TRPM5: variants seen among roughly 807,000 people sequenced by gnomAD.
TRPM5 encodes MLSN1 and TRP-related.
In TRPM5, 121 loss-of-function variants were observed where a neutral mutation model predicts 124.9. That is an observed-to-expected ratio of 0.97 (90% CI 0.84 to 1.13). The LOEUF (loss-of-function observed/expected upper bound fraction) is 1.13, where lower values mean the gene tolerates loss of function less well. Ranked by LOEUF, TRPM5 falls within the 50% of genes most tolerant of loss-of-function variation. The pLI is 0.00. For synonymous variants in TRPM5, 781 were observed against 700.5 expected, an observed-to-expected ratio of 1.11 and a Z score of -1.81; for missense variants, 1,643 against 1,589.1, an observed-to-expected ratio of 1.03 and a Z score of -0.58.
chr11:2,430,752 G>GTGA, the TRPM5 span, among the ~76,000 whole-genome samples: 11 of 131,314 alleles, frequency 8.4e-5, no homozygotes, highest in East Asian at 4.8e-4. Flanking sequence ...GGTGTTGGTG[G>GTGA]TGGTGGTTTT....
rs1850321235 is a variant in TRPM5, at chr11:2,406,245, G to A, written c.3252-154C>T. 3 of 785,020 alleles carry A rather than the reference G, an allele frequency of 3.8e-6. No individual in the cohort carries two copies. In the East Asian group the frequency reaches 7.9e-5, roughly 21 times the overall value. 48.6% of individuals were successfully genotyped at this position (785,020 alleles called of 1,614,324 possible). A position where few individuals can be genotyped will look rare whatever the true frequency, so the allele number is the denominator to read the frequency against. ...TCATGCCCAGATCTGGTGGCACCAG[G>A]ACCCCTCAAAGTGCACCTGGTGCAG... On this transcript the variant is annotated intron_variant, in intron 21 of 23. Transcript: ENST00000155858.
intron 18 of TRPM5, among the ~76,000 whole-genome samples, chr11:2,410,350 G>T (rs1404160796): frequency 6.6e-6 from 1 of 152,218 alleles, no homozygotes; most frequent in Non-Finnish European, 1.5e-5. Context: ...CTCCACAGAG[G>T]TCGGGGTCAG....
chr11:2,422,383 T>TGG, intron 1 of TRPM5, 62 bp from the exon 7 acceptor site: 6 of 644,086 alleles, frequency 9.3e-6, no homozygotes, highest in African/African-American at 4.9e-5. Context: ...TGCTGGGCAT[T>TGG]GGGGGGGGCT....
At chr11:2,420,357 G>A in exon 4 of TRPM5, 1 of 1,612,776 alleles carries the variant, frequency 6.2e-7, no homozygotes, top group Non-Finnish European at 8.5e-7. Context: ...GAACAGAGGG[G>A]GCCCTGGCTG....
Position 2,420,103 on chromosome 11 carries a change from C to T in TRPM5, c.649+119G>A, listed in dbSNP as rs565642563. On this transcript the variant is annotated intron_variant, in intron 4 of 23. Coordinates refer to ENST00000155858, the Ensembl canonical transcript of TRPM5. ...TCTCGGTGCTCAGGCATGCGGGGTG[C>T]GTTCTGCCTGGGAAGCCCTCCCCCT... The T allele has an allele frequency of 2.0e-5, 24 of 1,189,276 alleles. No homozygotes were observed. In the South Asian group the frequency reaches 2.8e-4, roughly 14 times the overall value. 73.7% of individuals were successfully genotyped at this position (1,189,276 alleles called of 1,614,324 possible). A position where few individuals can be genotyped will look rare whatever the true frequency, so the allele number is the denominator to read the frequency against.
At chr11:2,425,693 G>C (rs935024227), upstream of TRPM5, among the ~76,000 whole-genome samples, 1 of 148,396 alleles carries the variant, frequency 6.7e-6, no homozygotes, top group Non-Finnish European at 1.5e-5. Context: ...GCCACACCTG[G>C]TCACCCGCTG....
chr11:2,420,180 C>G (rs1209520264), intron 4 of TRPM5, 42 bp downstream of exon 9: 1 of 1,546,298 alleles, frequency 6.5e-7, no homozygotes, highest in South Asian at 1.3e-5. Context: ...TGGATCCCCA[C>G]TGGGTCCCAA....
At chr11:2,420,057 C>T (rs1589874598) in intron 4 of TRPM5, among the ~76,000 whole-genome samples, 165 bp downstream of exon 9, 1 of 47,578 alleles carries the variant, frequency 2.1e-5, no homozygotes, top group Non-Finnish European at 3.8e-5. Flanking sequence ...GCCCCCACGG[C>T]CCAGGCCCCC....
the TRPM5 span, among the ~76,000 whole-genome samples, chr11:2,440,686 C>T: frequency 6.6e-6 from 1 of 152,200 alleles, no homozygotes; most frequent in African/African-American, 2.4e-5. This position sits in a 1 kb window ranked among gnomAD's most constrained non-coding sequence, Gnocchi z 5.2. Flanking sequence ...GGTGAGACAG[C>T]TCTGTAACCT....
In TRPM5 at chr11:2,407,117, ACCCAGGTGCTCCCGCTTG is replaced by A. The variant is rs756566382; in HGVS notation, c.3102_3118+1del. 3.0e-5 allele frequency: 41 copies of A among 1,361,682 alleles called. No individual in the cohort carries two copies. The South Asian group carries it at 3.9e-4, about 13-fold the overall frequency. The allele number at this position is 1,361,682 out of a possible 1,614,324, so 84.3% of individuals were successfully genotyped here. On this transcript the variant is annotated splice_donor_variant and coding_sequence_variant, in exon 20 of 24. Transcript: ENST00000155858. LOFTEE classifies it high-confidence loss of function. The stretch of plus-strand genomic sequence containing the variant: ...GGTGCTCCCGCTTGTGCTCGGCCTC[ACCCAGGTGCTCCCGCTTG>A]TGCTCAGCCTCCTTCTTGAAGACCC...
At chr11:2,404,840 C>T in exon 24 of TRPM5, 1 of 1,038,298 alleles carries the variant, frequency 9.6e-7, no homozygotes, top group East Asian at 2.5e-5. Flanking sequence ...GCTGGTGCCC[C>T]CTGGGGGGTT....
At chr11:2,437,082 T>C in the TRPM5 span, among the ~76,000 whole-genome samples, 1 of 152,230 alleles carries the variant, frequency 6.6e-6, no homozygotes, top group African/African-American at 2.4e-5. The surrounding 1 kb of genome is among the most constrained non-coding windows in gnomAD (Gnocchi z 5.6). Flanking sequence ...CCCAGCCTGC[T>C]GGATCCTGCT....
At chr11:2,435,581 GTCCATCCA>G in the TRPM5 span, among the ~76,000 whole-genome samples, 580 of 150,106 alleles carry the variant, frequency 3.9e-3, 6 homozygotes, top group South Asian at 0.017. This position sits in a 1 kb window ranked among gnomAD's most constrained non-coding sequence, Gnocchi z 4.1. Context: ...CCATCTGTCT[GTCCATCCA>G]TCCATCCATC....
chr11:2,409,598 T>C (rs1233143976), intron 18 of TRPM5, among the ~76,000 whole-genome samples: 1 of 152,136 alleles, frequency 6.6e-6, no homozygotes. Flanking sequence ...TGAGCCTCAG[T>C]CTCCCTCTCA....
At position 2,417,707 on chromosome 11, in the gene TRPM5, C is replaced by T. The variant is rs781095538; in HGVS notation, c.1009+20G>A. On this transcript the variant is annotated intron_variant, in intron 7 of 23. Coordinates refer to ENST00000155858, the Ensembl canonical transcript of TRPM5. ...AAGCCCCCCAATGGCGCCTGCCTTG[C>T]CCACCCTGCCCGCCCTCACCTTTCA... is the stretch of plus-strand genomic sequence containing the variant. 7 of 473,716 alleles carry T rather than the reference C, an allele frequency of 1.5e-5. No individual in the cohort carries two copies. The highest frequency in any genetic ancestry group is 2.6e-5 in the Non-Finnish European group (6 of 232,250). The allele number at this position is 473,716 out of a possible 1,614,324, so 29.3% of individuals were successfully genotyped here. A position where few individuals can be genotyped will look rare whatever the true frequency, so the allele number is the denominator to read the frequency against.
At chr11:2,407,073 G>C (rs1007026665) in intron 20 of TRPM5, 46 bp downstream of exon 25, 2 of 1,489,348 alleles carry the variant, frequency 1.3e-6, no homozygotes, top group African/African-American at 2.8e-5. Flanking sequence ...CCTGGGACCC[G>C]CCACCTCGGC....
Position 2,411,432 on chromosome 11 carries a change from C to A in TRPM5, c.2702G>T (p.Arg901Leu), listed in dbSNP as rs772899961. ...CACCCGGCGGAAGATCCACTCCAGGCGGCCGTCATGGGGGTGCAGCAGCGC... is the reference window on the plus strand; with the variant it reads ...CACCCGGCGGAAGATCCACTCCAGGAGGCCGTCATGGGGGTGCAGCAGCGC... The change falls in exon 18 of 24, where the codon CGC (arginine) becomes CTC (leucine). Residue 901 changes from arginine (R) to leucine (L), a missense_variant. Arg to Leu is a moderately radical substitution (Grantham distance 102). Coordinates refer to ENST00000155858, the Ensembl canonical transcript of TRPM5. The A allele has an allele frequency of 2.5e-6, 4 of 1,612,184 alleles. No individual in the cohort carries two copies. In the African/African-American group the frequency reaches 4.0e-5, roughly 16 times the overall value.
At chr11:2,427,786 A>G (rs1287087828), upstream of TRPM5, among the ~76,000 whole-genome samples, 6 of 152,188 alleles carry the variant, frequency 3.9e-5, no homozygotes, top group Non-Finnish European at 8.8e-5. Context: ...TCTTCACCTC[A>G]GTTTCCACAG....
upstream of TRPM5, chr11:2,423,093 C>G: frequency 7.1e-7 from 1 of 1,401,130 alleles, no homozygotes; most frequent in Non-Finnish European, 9.9e-7. Flanking sequence ...AAGGCCCATC[C>G]CCACCTCCCT....
Sources: gnomAD v4.1 joint callset for allele counts (sites outside exome capture counted in the v4.1 genomes callset) on GRCh38, gnomAD v4.1.1 for gene constraint, Gnocchi (gnomAD v3.1) non-coding constraint, MANE v1.5 for transcripts, NCBI Gene and HGNC (gene_info 2026-07-23, HGNC 2026-07-21) for gene names.